CFAP299: variants seen among roughly 807,000 people sequenced by gnomAD.
The protein encoded by CFAP299 is cilia- and flagella-associated protein 299.
Under a neutral mutation model 27.0 loss-of-function variants are expected in CFAP299, and 21 were observed. The observed-to-expected ratio is 0.78, with a 90% confidence interval of 0.55 to 1.12. CFAP299 has a LOEUF of 1.12. Ranked by LOEUF, CFAP299 falls within the 50% of genes most tolerant of loss-of-function variation. The pLI, the probability that CFAP299 is intolerant of heterozygous loss-of-function variation, is 0.00. For synonymous variants in CFAP299, 104 were observed against 98.1 expected (o/e 1.06, Z -0.36); for missense variants, 310 against 276.6 (o/e 1.12, Z -0.86).
At chr4:80,504,118 A>C (rs1260851469) in intron 2 of CFAP299, among the ~76,000 whole-genome samples, 1 of 151,890 alleles carries the variant, frequency 6.6e-6, no homozygotes, top group Non-Finnish European at 1.5e-5. Flanking sequence ...TATTATGGGG[A>C]GGAGATCGGC....
In CFAP299 at chr4:80,870,136, G is replaced by C. The variant is rs761206569; in HGVS notation, c.476+1G>C. ...TTCTTCCAAGGCCTACAGATATAAG[G>C]TAAATTACATACAATTTTTGCACCC... On this transcript the variant is annotated splice_donor_variant, in intron 4 of 5. Coordinates refer to ENST00000358105, the MANE Select transcript of CFAP299 (RefSeq NM_152770.3). LOFTEE classifies it high-confidence loss of function. The C allele has an allele frequency of 6.3e-7, 1 of 1,595,954 alleles. No homozygotes were observed. The highest frequency in any genetic ancestry group is 8.5e-7 in the Non-Finnish European group (1 of 1,172,076).
rs182165908 is a variant in CFAP299, at chr4:80,516,409, A to G, written c.243-66684A>G. 2.0e-5 allele frequency among the ~76,000 whole-genome samples: 3 copies of G among 152,288 alleles called. No homozygotes were observed. The East Asian group carries it at 5.8e-4, about 29-fold the overall frequency. ...ATTTGCTTATGGTTCTGTGGGCTAT[A>G]CAAGGATGGCTCAAGCATCTGCTTC... On this transcript the variant is annotated intron_variant, in intron 2 of 5. Coordinates refer to ENST00000358105, the MANE Select transcript of CFAP299 (RefSeq NM_152770.3).
chr4:80,558,984 C>T (rs1391304044), intron 2 of CFAP299, among the ~76,000 whole-genome samples: 1 of 152,080 alleles, frequency 6.6e-6, no homozygotes, highest in African/African-American at 2.4e-5. Context: ...TGCAATAAAA[C>T]CACCTCAAAA....
intron 3 of CFAP299, among the ~76,000 whole-genome samples, chr4:80,701,755 A>C (rs1237960247): frequency 1.3e-5 from 2 of 151,960 alleles, no homozygotes; most frequent in African/African-American, 4.8e-5. Flanking sequence ...TGATGGAAAA[A>C]AATCCCTATT....
intron 2 of CFAP299, among the ~76,000 whole-genome samples, chr4:80,497,625 T>A (rs1731521778): frequency 6.6e-6 from 1 of 152,138 alleles, no homozygotes; most frequent in Admixed American, 6.5e-5. Flanking sequence ...TTTTTGCCCC[T>A]TATATATGAA....
At chr4:80,844,215 T>C (rs979850955) in intron 3 of CFAP299, among the ~76,000 whole-genome samples, 3 of 152,122 alleles carry the variant, frequency 2.0e-5, no homozygotes, top group East Asian at 3.9e-4. Flanking sequence ...AATAAACATA[T>C]GTGTGTATGT....
In CFAP299 at chr4:80,527,628, C is replaced by G. The variant is rs894638915; in HGVS notation, c.243-55465C>G. Among the ~76,000 whole-genome samples, 16 of 152,260 alleles carry G rather than the reference C, an allele frequency of 1.1e-4. 1 individual carries two copies. The highest frequency in any genetic ancestry group is 3.9e-4 in the African/African-American group (16 of 41,554). On this transcript the variant is annotated intron_variant, in intron 2 of 5. Transcript: ENST00000358105. ...TGTGTATTCCCTTCACACACACTGTCCCAGTAGGACTGGTCTGTTCTCCAT... is the reference window on the plus strand; with the variant it reads ...TGTGTATTCCCTTCACACACACTGTGCCAGTAGGACTGGTCTGTTCTCCAT...
At chr4:80,419,801 C>G (rs11099231) in intron 2 of CFAP299, among the ~76,000 whole-genome samples, 29,139 of 152,006 alleles carry the variant, frequency 0.19, 2,970 homozygotes, top group South Asian at 0.29. Context: ...ATATGATGTA[C>G]TAACTTACAC....
At chr4:80,903,716 A>T (rs1735046634) in intron 4 of CFAP299, among the ~76,000 whole-genome samples, 1 of 152,102 alleles carries the variant, frequency 6.6e-6, no homozygotes, top group African/African-American at 2.4e-5. Flanking sequence ...CAACTGCTAT[A>T]AGAAAGTCCT....
intron 3 of CFAP299, among the ~76,000 whole-genome samples, chr4:80,822,042 C>G (rs1729737047): frequency 6.6e-6 from 1 of 152,170 alleles, no homozygotes; most frequent in Admixed American, 6.5e-5. Context: ...AGGTAGTCAT[C>G]CCCTTGTATC....
At chr4:80,553,215 A>T (rs1734614249) in intron 2 of CFAP299, among the ~76,000 whole-genome samples, 1 of 152,028 alleles carries the variant, frequency 6.6e-6, no homozygotes. Context: ...ATGAGTTCTC[A>T]TACGCACTAA....
At chr4:80,394,370 C>T (rs943620660) in intron 2 of CFAP299, among the ~76,000 whole-genome samples, 4 of 148,568 alleles carry the variant, frequency 2.7e-5, no homozygotes, top group Non-Finnish European at 5.9e-5. Flanking sequence ...TATAATTTTT[C>T]TCTCATTCTG....
rs140707937 is a variant in CFAP299, at chr4:80,694,258, G to A, written c.333+111075G>A. On this transcript the variant is annotated intron_variant, in intron 3 of 5. Transcript: ENST00000358105. ...TTCACCCTTTGAGGTCAGTACATAC[G>A]TCTCACAAGACAGGCGTTCATCAGC... Among the ~76,000 whole-genome samples, 516 of 152,172 alleles carry A rather than the reference G, an allele frequency of 3.4e-3. 2 individuals are homozygous for A. Among genetic ancestry groups the A allele is most frequent in the Non-Finnish European group, 5.5e-3 (377 of 68,010 alleles).
chr4:80,655,377 A>G (rs1740503651), intron 3 of CFAP299, among the ~76,000 whole-genome samples: 1 of 152,172 alleles, frequency 6.6e-6, no homozygotes, highest in Non-Finnish European at 1.5e-5. Flanking sequence ...ATGATGAAAT[A>G]CTGATTTTAA....
At chr4:80,848,722 G>A (rs530347047) in intron 3 of CFAP299, among the ~76,000 whole-genome samples, 1 of 152,252 alleles carries the variant, frequency 6.6e-6, no homozygotes, top group Admixed American at 6.5e-5. Context: ...GCTGCTGTAA[G>A]CCATGATCAC....
chr4:80,333,898 T>C (rs1722029574), upstream of CFAP299, among the ~76,000 whole-genome samples: 1 of 152,240 alleles, frequency 6.6e-6, no homozygotes, highest in South Asian at 2.1e-4. Flanking sequence ...ATTTCTTTGT[T>C]GCCACCCTTT....
chr4:80,564,209 TGAG>T (rs1213829464), intron 2 of CFAP299, among the ~76,000 whole-genome samples: 1 of 151,336 alleles, frequency 6.6e-6, no homozygotes, highest in Non-Finnish European at 1.5e-5. Flanking sequence ...GATACCAAAA[TGAG>T]ACAAGACACA....
At chr4:80,555,759 T>G (rs1267851877) in intron 2 of CFAP299, among the ~76,000 whole-genome samples, 1 of 152,104 alleles carries the variant, frequency 6.6e-6, no homozygotes, top group Non-Finnish European at 1.5e-5. Context: ...TATACATCTC[T>G]TCTAGATTTT....
rs369678352 is a variant in CFAP299 at position 80,901,432 on chromosome 4, TC to T, written c.476+31299del. Among the ~76,000 whole-genome samples, 302 of 152,286 alleles carry T rather than the reference TC, an allele frequency of 2.0e-3. 1 individual carries two copies. The highest frequency in any genetic ancestry group is 6.9e-3 in the African/African-American group (288 of 41,578). Reference sequence around the variant, plus strand: ...TGGGTGTTTTTTGAAACATTCTGGCTCCTTCTGTGGGTAAAACTGAGCATAA... The same window carrying T: ...TGGGTGTTTTTTGAAACATTCTGGCTCTTCTGTGGGTAAAACTGAGCATAA... On this transcript the variant is annotated intron_variant, in intron 4 of 5. Coordinates refer to ENST00000358105, the MANE Select transcript of CFAP299 (RefSeq NM_152770.3).
Sources: allele counts gnomAD v4.1 joint callset (sites outside exome capture counted in the v4.1 genomes callset), GRCh38; gene constraint gnomAD v4.1.1; transcripts MANE v1.5; gene names NCBI Gene and HGNC (gene_info 2026-07-23, HGNC 2026-07-21).